Variants in RPTOR observed in about 807,000 individuals in gnomAD.
The protein encoded by RPTOR is regulatory associated protein of MTOR complex 1, also known as regulatory-associated protein of mTOR.
A neutral mutation model predicts 169.9 loss-of-function variants in RPTOR; 21 were observed. The observed-to-expected ratio is 0.12, with a 90% CI of 0.09 to 0.18. RPTOR has a LOEUF of 0.18. Ranked by LOEUF, RPTOR falls within the 10% of genes least tolerant of loss-of-function variation. The pLI is 1.00. For missense variants in RPTOR, 1,133 were observed against 1,855.9 expected (o/e 0.61, Z 7.16); for synonymous variants, 732 against 753.2 (o/e 0.97, Z 0.46).
At chr17:80,893,937 CTGTGT>C in intron 20 of RPTOR, 72 bp downstream of exon 20, 1 of 1,406,162 alleles carries the variant, frequency 7.1e-7, no homozygotes, top group Non-Finnish European at 9.4e-7. Context: ...CAGCACAGAC[CTGTGT>C]CTGCATCAGG....
At chr17:80,774,213 A>G (rs1157113397) in intron 6 of RPTOR, 1 of 985,238 alleles carries the variant, frequency 1.0e-6, no homozygotes, top group African/African-American at 1.7e-5. Context: ...ACCCGCCTTG[A>G]GTTCTCGGTT....
rs1201586026 is a variant in RPTOR, at chr17:80,964,878, A to AC, written c.*550dup. On this transcript the variant is annotated 3_prime_UTR_variant, in exon 34 of 34. Transcript: ENST00000306801. ...CTGGGGGACACTGGAAATTCGGGAA[A>AC]CCAAGAGAGAGGAAGAAGGAGACGC... 4 of 233,920 alleles carry AC rather than the reference A, an allele frequency of 1.7e-5. No individual in the cohort carries two copies. Among genetic ancestry groups the AC allele is most frequent in the Non-Finnish European group, 3.4e-5 (4 of 118,566 alleles). 14.5% of individuals were successfully genotyped at this position (233,920 alleles called of 1,614,324 possible). A position where few individuals can be genotyped will look rare whatever the true frequency, so the allele number is the denominator to read the frequency against.
At chr17:80,696,594 T>C (rs2066038489) in intron 3 of RPTOR, among the ~76,000 whole-genome samples, 1 of 152,204 alleles carries the variant, frequency 6.6e-6, no homozygotes, top group Non-Finnish European at 1.5e-5. Context: ...GGCCATGGCC[T>C]CCCGGGGCAA....
At chr17:80,930,048 T>TCATCCTCAGG (rs1439181672) in intron 24 of RPTOR, among the ~76,000 whole-genome samples, 1 of 65,810 alleles carries the variant, frequency 1.5e-5, no homozygotes. Context: ...TCATCCTCAG[T>TCATCCTCAGG]TCAGTTCAGC....
intron 13 of RPTOR, among the ~76,000 whole-genome samples, chr17:80,862,425 C>T (rs1315059580): frequency 6.6e-6 from 1 of 152,094 alleles, no homozygotes; most frequent in Non-Finnish European, 1.5e-5. Context: ...CTTCCCCTCC[C>T]CACGTCTGGC....
At chr17:80,824,171 ATATT>A (rs535603189) in intron 9 of RPTOR, among the ~76,000 whole-genome samples, 15 of 152,232 alleles carry the variant, frequency 9.9e-5, no homozygotes, top group Non-Finnish European at 1.8e-4. Flanking sequence ...TTTATAATAA[ATATT>A]TATATGCGAT....
chr17:80,822,232 C>T lies in RPTOR; in HGVS notation c.922C>T (p.Pro308Ser). 1 of 1,614,222 alleles carries T rather than the reference C, an allele frequency of 6.2e-7. No individual in the cohort carries two copies. Among genetic ancestry groups the T allele is most frequent in the Non-Finnish European group, 8.5e-7 (1 of 1,180,020 alleles). The stretch of plus-strand genomic sequence containing the variant: ...TGGCCGCCTGAACGACAGGAGGACG[C>T]CCCTGGGTGAACTGAACTGGATCTT... ...IPGRLNDRRT[P>S]LGELNWIFTA... Residue 308 changes from proline (P) to serine (S), a missense_variant, in exon 8 of 34, where the codon CCC becomes TCC. By Grantham distance (74) the Pro-to-Ser change is moderately conservative. Coordinates refer to ENST00000306801, the MANE Select transcript of RPTOR (RefSeq NM_020761.3).
chr17:80,553,063 AC>A (rs1311666859), intron 1 of RPTOR, among the ~76,000 whole-genome samples: 1 of 152,254 alleles, frequency 6.6e-6, no homozygotes, highest in Non-Finnish European at 1.5e-5. Flanking sequence ...TGATACCTGC[AC>A]TGACAGTGCA....
At chr17:80,915,597 C>T (rs1225912977) in intron 21 of RPTOR, among the ~76,000 whole-genome samples, 1 of 54,848 alleles carries the variant, frequency 1.8e-5, no homozygotes, top group African/African-American at 9.0e-5. Context: ...GAGCAGACGT[C>T]GGGAAAACCA....
In RPTOR at chr17:80,957,787, G is replaced by A; in HGVS notation, c.3477+57G>A. The stretch of plus-strand genomic sequence containing the variant: ...CCTGTGGGGCAGTGTGTGCAGGGCT[G>A]GTCCTCGTCACAGAACCCAGCAAAG... On this transcript the variant is annotated intron_variant, in intron 29 of 33. Transcript: ENST00000306801. This position sits in a 1 kb window ranked among gnomAD's most constrained non-coding sequence, Gnocchi z 4.6. 2 of 1,497,774 alleles carry A rather than the reference G, an allele frequency of 1.3e-6. No individual in the cohort carries two copies. Among genetic ancestry groups the A allele is most frequent in the Non-Finnish European group, 1.9e-6 (2 of 1,075,962 alleles). 92.8% of individuals were successfully genotyped at this position (1,497,774 alleles called of 1,614,324 possible). A position where few individuals can be genotyped will look rare whatever the true frequency, so the allele number is the denominator to read the frequency against.
intron 1 of RPTOR, among the ~76,000 whole-genome samples, chr17:80,625,468 C>G (rs1338939917): frequency 6.6e-6 from 1 of 152,114 alleles, no homozygotes; most frequent in African/African-American, 2.4e-5. Context: ...CCTGCCACGT[C>G]CCTCTCACCA....
At chr17:80,913,284 T>C (rs2068633878) in intron 21 of RPTOR, among the ~76,000 whole-genome samples, 1 of 152,202 alleles carries the variant, frequency 6.6e-6, no homozygotes, top group South Asian at 2.1e-4. Context: ...TAGAATTCTA[T>C]ATTCAAATAC....
chr17:80,742,038 T>C (rs996826693), intron 5 of RPTOR, among the ~76,000 whole-genome samples: 1 of 152,148 alleles, frequency 6.6e-6, no homozygotes, highest in South Asian at 2.1e-4. Context: ...TGGACCGTTG[T>C]ATTTGTGCAC....
At chr17:80,899,641 G>T (rs1173905043) in intron 20 of RPTOR, among the ~76,000 whole-genome samples, 1 of 152,252 alleles carries the variant, frequency 6.6e-6, no homozygotes, top group Non-Finnish European at 1.5e-5. Context: ...TTGCAGGTGG[G>T]ACTGCCCCTT....
intron 5 of RPTOR, among the ~76,000 whole-genome samples, chr17:80,740,751 T>C (rs1254035760): frequency 1.3e-5 from 2 of 152,098 alleles, no homozygotes; most frequent in Non-Finnish European, 2.9e-5. Flanking sequence ...GAACTAAGAA[T>C]AGAGAAGAAC....
Position 80,878,227 on chromosome 17 carries a change from T to C in RPTOR, c.1510-2188T>C, listed in dbSNP as rs991858580. 6.6e-6 allele frequency among the ~76,000 whole-genome samples: 1 copy of C among 152,208 alleles called. No individual in the cohort carries two copies. Among genetic ancestry groups the C allele is most frequent in the Non-Finnish European group, 1.5e-5 (1 of 68,034 alleles). On this transcript the variant is annotated intron_variant, in intron 13 of 33. Coordinates refer to ENST00000306801, the MANE Select transcript of RPTOR (RefSeq NM_020761.3). The surrounding 1 kb of genome is among the most constrained non-coding windows in gnomAD (Gnocchi z 4.1). ...CTGCTCAGTTTCTAGGTATTGATCC[T>C]AGAAACCCATGCTCTGTGGGTCCCT...
chr17:80,592,186 A>G (rs2065112566), intron 1 of RPTOR, among the ~76,000 whole-genome samples: 1 of 152,118 alleles, frequency 6.6e-6, no homozygotes, highest in Non-Finnish European at 1.5e-5. Context: ...GTTTGGCTGT[A>G]GCTGTGAGTG....
intron 3 of RPTOR, among the ~76,000 whole-genome samples, chr17:80,704,289 C>T (rs559190598): frequency 3.0e-4 from 46 of 152,286 alleles, no homozygotes; most frequent in Admixed American, 1.1e-3. Flanking sequence ...CCCAGAACTG[C>T]GCTTTCATTT....
Position 80,730,754 on chromosome 17 carries a change from T to TG in RPTOR, c.654+48_654+49insG. The TG allele has an allele frequency of 4.2e-6, 3 of 721,620 alleles. No homozygotes were observed. The highest frequency in any genetic ancestry group is 6.6e-6 in the Non-Finnish European group (3 of 457,674). The allele number at this position is 721,620 out of a possible 1,614,324, so 44.7% of individuals were successfully genotyped here. Reference sequence around the variant, plus strand: ...AGCGGTGCTGGGTTTGGTTTTGTTTTCCCTGGGGGTGGGGTTTGGGTGGGG... The same window carrying TG: ...AGCGGTGCTGGGTTTGGTTTTGTTTTGCCCTGGGGGTGGGGTTTGGGTGGGG... On this transcript the variant is annotated intron_variant, in intron 5 of 33. Coordinates refer to ENST00000306801, the MANE Select transcript of RPTOR (RefSeq NM_020761.3). The surrounding 1 kb of genome is among the most constrained non-coding windows in gnomAD (Gnocchi z 4.2).
Sources: gnomAD v4.1 joint callset for allele counts (sites outside exome capture counted in the v4.1 genomes callset) on GRCh38, gnomAD v4.1.1 for gene constraint, Gnocchi (gnomAD v3.1) non-coding constraint, MANE v1.5 for transcripts, NCBI Gene and HGNC (gene_info 2026-07-23, HGNC 2026-07-21) for gene names.